GSTCD: variants seen among roughly 807,000 people sequenced by gnomAD.
The protein encoded by GSTCD is glutathione S-transferase C-terminal domain containing.
GSTCD carries 44 observed loss-of-function variants against 68.3 expected under a neutral mutation model. That is an observed-to-expected ratio of 0.64 (90% CI 0.51 to 0.83). GSTCD has a LOEUF of 0.83. Ranked by LOEUF, GSTCD falls within the 40% of genes least tolerant of loss-of-function variation. The pLI, the probability that GSTCD is intolerant of heterozygous loss-of-function variation, is 0.00. For missense variants in GSTCD, 739 were observed against 735.9 expected (o/e 1.00, Z -0.05); for synonymous variants, 273 against 255.2 (o/e 1.07, Z -0.67).
At chr4:105,761,834 G>T (rs1734422875) in intron 5 of GSTCD, 1 of 152,192 alleles carries the variant, frequency 6.6e-6, no homozygotes, top group South Asian at 2.1e-4. Flanking sequence ...ACATTTTTGT[G>T]TCTGTGTAGC....
chr4:105,831,805 G>A lies in GSTCD; in HGVS notation c.1531-2656G>A, dbSNP rs143669434. ...ACAAAAATTAGCTGGGTGTGGTGGT[G>A]GGCAGCTGTAATCCCAGCTACTTGG... On this transcript the variant is annotated intron_variant, in intron 8 of 11. Transcript: ENST00000515279. 3.1e-3 allele frequency among the ~76,000 whole-genome samples: 469 copies of A among 152,140 alleles called. 4 individuals are homozygous for A. Among genetic ancestry groups the A allele is most frequent in the African/African-American group, 0.011 (454 of 41,520 alleles).
intron 5 of GSTCD, among the ~76,000 whole-genome samples, chr4:105,797,155 A>G (rs1244945782): frequency 6.6e-6 from 1 of 151,796 alleles, no homozygotes. Context: ...ACCAGGATTT[A>G]ATAGTCATAC....
At chr4:105,785,278 G>A (rs1001946113) in intron 5 of GSTCD, among the ~76,000 whole-genome samples, 3 of 152,058 alleles carry the variant, frequency 2.0e-5, no homozygotes, top group African/African-American at 4.8e-5. Flanking sequence ...AAAGAAAACA[G>A]AGTAGCATCT....
At chr4:105,777,740 A>G (rs140391948) in intron 5 of GSTCD, among the ~76,000 whole-genome samples, 3 of 152,252 alleles carry the variant, frequency 2.0e-5, no homozygotes, top group African/African-American at 7.2e-5. Context: ...CAAAATGGGG[A>G]TGTTAGTAAT....
chr4:105,763,328 A>T (rs1194894022), intron 5 of GSTCD, among the ~76,000 whole-genome samples: 3 of 152,216 alleles, frequency 2.0e-5, no homozygotes, highest in African/African-American at 7.2e-5. Flanking sequence ...CAGCCTTTAT[A>T]TATGTCTGTC....
Position 105,785,658 on chromosome 4 carries a change from C to G in GSTCD, c.1241-37296C>G, listed in dbSNP as rs777052774. On this transcript the variant is annotated intron_variant, in intron 5 of 11. Coordinates refer to ENST00000515279, the MANE Select transcript of GSTCD (RefSeq NM_001370181.1). ...CCTCAACCAGTTAAAAGACATCTAC[C>G]AAAAACCACAATTAACATCATACTT... Among the ~76,000 whole-genome samples the G allele has an allele frequency of 1.8e-4, 28 of 152,038 alleles. No homozygotes were observed. In the Middle Eastern group the frequency reaches 0.01, roughly 55 times the overall value.
intron 5 of GSTCD, among the ~76,000 whole-genome samples, chr4:105,810,711 ATATAT>A (rs1722716502): frequency 6.6e-6 from 1 of 152,114 alleles, no homozygotes; most frequent in South Asian, 2.1e-4. Flanking sequence ...ATAATAACTA[ATATAT>A]TTGAACTTTT....
intron 5 of GSTCD, among the ~76,000 whole-genome samples, chr4:105,750,694 A>G (rs1733983587): frequency 6.6e-6 from 1 of 152,174 alleles, no homozygotes; most frequent in Non-Finnish European, 1.5e-5. Flanking sequence ...AATCTGCACA[A>G]GAATGTTTAT....
intron 5 of GSTCD, among the ~76,000 whole-genome samples, chr4:105,796,733 T>C (rs568095657): frequency 9.2e-5 from 14 of 152,332 alleles, no homozygotes; most frequent in Admixed American, 2.6e-4. Context: ...AGATATGTAT[T>C]GATTAGGCCA....
intron 5 of GSTCD, among the ~76,000 whole-genome samples, chr4:105,805,404 C>T (rs531561410): frequency 2.6e-5 from 4 of 151,970 alleles, no homozygotes; most frequent in Admixed American, 6.6e-5. Context: ...TATTAAAACT[C>T]GAGAAGGCAC....
intron 9 of GSTCD, among the ~76,000 whole-genome samples, chr4:105,837,044 T>C (rs762862175): frequency 2.0e-5 from 3 of 152,220 alleles, no homozygotes; most frequent in Non-Finnish European, 4.4e-5. Flanking sequence ...ATTGAATGTA[T>C]GTTTATCTTT....
intron 5 of GSTCD, among the ~76,000 whole-genome samples, chr4:105,740,577 A>G (rs945314235): frequency 4.6e-5 from 7 of 152,134 alleles, no homozygotes; most frequent in Non-Finnish European, 7.4e-5. Context: ...GCTTGGGCAT[A>G]TGGAGTGCTA....
rs145116530 is a variant in GSTCD, at chr4:105,779,652, A to G, written c.1241-43302A>G. On this transcript the variant is annotated intron_variant, in intron 5 of 11. Transcript: ENST00000515279. ...TCTTTAGTAAGAAATTTAGTTATCT[A>G]TGGTATTAAATACTAACATGGGTTT... 4.3e-3 allele frequency among the ~76,000 whole-genome samples: 650 copies of G among 152,324 alleles called. 7 individuals are homozygous for G. Among genetic ancestry groups the G allele is most frequent in the African/African-American group, 0.015 (610 of 41,580 alleles).
At chr4:105,775,169 C>A (rs1163946116) in intron 5 of GSTCD, among the ~76,000 whole-genome samples, 1 of 152,106 alleles carries the variant, frequency 6.6e-6, no homozygotes, top group African/African-American at 2.4e-5. Flanking sequence ...TTTTATGCGT[C>A]ACAAAGTTCT....
chr4:105,763,575 T>A (rs1734494335), intron 5 of GSTCD, among the ~76,000 whole-genome samples: 1 of 152,246 alleles, frequency 6.6e-6, no homozygotes, highest in South Asian at 2.1e-4. Context: ...TACACTATGC[T>A]GCCCTTATGT....
intron 5 of GSTCD, chr4:105,761,663 C>T (rs146354301): frequency 1.3e-5 from 2 of 152,064 alleles, no homozygotes; most frequent in Non-Finnish European, 2.9e-5. Flanking sequence ...TAATAAAAAC[C>T]TGGCATTTCC....
rs919382910 is a variant in GSTCD, at chr4:105,714,012, T to G, written c.-21-3581T>G. 4.6e-5 allele frequency among the ~76,000 whole-genome samples: 7 copies of G among 151,064 alleles called. No individual in the cohort carries two copies. In the Admixed American group the frequency reaches 4.6e-4, roughly 10 times the overall value. On this transcript the variant is annotated intron_variant, in intron 1 of 11. Transcript: ENST00000515279. ...TTTATCAAGGCTAAGATATATTCAT[T>G]AGAATGAAAGTGAAAAAAAAAAACC...
chr4:105,727,702 A>G (rs980359916), intron 4 of GSTCD, among the ~76,000 whole-genome samples: 1 of 151,740 alleles, frequency 6.6e-6, no homozygotes, highest in Non-Finnish European at 1.5e-5. Flanking sequence ...AAAAAAAAAA[A>G]GAATGCATAT....
intron 5 of GSTCD, among the ~76,000 whole-genome samples, chr4:105,773,383 T>C (rs1283141904): frequency 6.6e-6 from 1 of 152,184 alleles, no homozygotes; most frequent in Non-Finnish European, 1.5e-5. Context: ...ATCTTAGTTA[T>C]TTCTTGTCTT....
Sources: gnomAD v4.1 joint callset for allele counts (sites outside exome capture counted in the v4.1 genomes callset) on GRCh38, gnomAD v4.1.1 for gene constraint, MANE v1.5 for transcripts, NCBI Gene and HGNC (gene_info 2026-07-23, HGNC 2026-07-21) for gene names.